Variants in PDZD2 observed in about 807,000 individuals in gnomAD.
PDZD2 encodes PDZ domain containing 2.
PDZD2 carries 90 observed loss-of-function variants against 220.7 expected under a neutral mutation model. The observed-to-expected ratio is 0.41, with a 90% CI of 0.34 to 0.49. The LOEUF is 0.49. PDZD2 is among the 20% of genes least tolerant of loss of function. PDZD2 has a pLI of 0.28. For synonymous variants in PDZD2, 1,375 were observed against 1,450.5 expected (o/e 0.95, Z 1.18); for missense variants, 3,174 against 3,608.5 (o/e 0.88, Z 3.08).
chr5:31,908,409 GAT>G (rs149701786), intron 2 of PDZD2: 194 of 504,852 alleles, frequency 3.8e-4, no homozygotes, highest in Non-Finnish European at 6.5e-4. Context: ...GTGTTCACGA[GAT>G]CCGGGAGATC....
intron 1 of PDZD2, among the ~76,000 whole-genome samples, chr5:31,669,520 G>A (rs1040358655): frequency 6.6e-6 from 1 of 151,936 alleles, no homozygotes; most frequent in Non-Finnish European, 1.5e-5. Context: ...ATTGGCTCTT[G>A]CCACACTTTC....
rs150617316 is a variant in PDZD2, at chr5:31,950,764, A to G, written c.477-32391A>G. Among the ~76,000 whole-genome samples, 1,105 of 152,276 alleles carry G rather than the reference A, an allele frequency of 7.3e-3. 13 individuals carry two copies. Among genetic ancestry groups the G allele is most frequent in the Non-Finnish European group, 1.0e-2 (677 of 68,014 alleles). On this transcript the variant is annotated intron_variant, in intron 2 of 24. Coordinates refer to ENST00000438447, the MANE Select transcript of PDZD2 (RefSeq NM_178140.4). Reference sequence around the variant, plus strand: ...ACCCTTGAAAGTATCCCCCATAGTCATCTTTTTCCTAATCCCCAGTCTCTG... The same window carrying G: ...ACCCTTGAAAGTATCCCCCATAGTCGTCTTTTTCCTAATCCCCAGTCTCTG...
intron 2 of PDZD2, 32 bp downstream of exon 2, chr5:31,799,756 G>A (rs776772405): frequency 2.8e-6 from 4 of 1,444,250 alleles, no homozygotes; most frequent in Non-Finnish European, 9.7e-7. Flanking sequence ...TGGCACAGGG[G>A]CTGGACACGG....
chr5:31,990,631 T>A (rs1211708899), intron 3 of PDZD2, among the ~76,000 whole-genome samples: 1 of 152,184 alleles, frequency 6.6e-6, no homozygotes, highest in Non-Finnish European at 1.5e-5. Context: ...ACTGTAAGAT[T>A]AGCGGATAAA....
intron 1 of PDZD2, among the ~76,000 whole-genome samples, chr5:31,753,540 GC>G (rs1165735703): frequency 6.6e-6 from 1 of 152,202 alleles, no homozygotes; most frequent in Non-Finnish European, 1.5e-5. Context: ...GGTGGAGGTT[GC>G]AGTGGGCTGA....
intron 1 of PDZD2, among the ~76,000 whole-genome samples, chr5:31,751,539 G>A (rs1411282792): frequency 6.6e-6 from 1 of 152,236 alleles, no homozygotes; most frequent in East Asian, 1.9e-4. Flanking sequence ...GGAATTGCGT[G>A]GAAAGATGAT....
chr5:31,830,639 G>C (rs1234751057), intron 2 of PDZD2, among the ~76,000 whole-genome samples: 1 of 152,088 alleles, frequency 6.6e-6, no homozygotes. Context: ...GCCAGGCCCT[G>C]GAGTATTGGC....
At chr5:31,706,056 TAAC>T (rs1747808852) in intron 1 of PDZD2, among the ~76,000 whole-genome samples, 1 of 152,052 alleles carries the variant, frequency 6.6e-6, no homozygotes, top group Non-Finnish European at 1.5e-5. Flanking sequence ...CATCTCAAAA[TAAC>T]AACACCACCA....
chr5:31,957,093 A>G (rs1480741697), intron 2 of PDZD2, among the ~76,000 whole-genome samples: 1 of 152,152 alleles, frequency 6.6e-6, no homozygotes, highest in African/African-American at 2.4e-5. Flanking sequence ...CTGATTCTCT[A>G]TGTTCTCAAG....
chr5:31,656,934 C>T (rs1206304549), intron 1 of PDZD2, among the ~76,000 whole-genome samples: 1 of 152,110 alleles, frequency 6.6e-6, no homozygotes, highest in East Asian at 1.9e-4. Context: ...ACCTCAACAG[C>T]CTGGGAGATC....
At chr5:31,995,231 C>T (rs1261741086) in intron 3 of PDZD2, among the ~76,000 whole-genome samples, 1 of 152,164 alleles carries the variant, frequency 6.6e-6, no homozygotes, top group African/African-American at 2.4e-5. Flanking sequence ...TAGTCATTAG[C>T]CACAGGTGGC....
intron 2 of PDZD2, among the ~76,000 whole-genome samples, chr5:31,881,354 GTGTGTGTGTGTGTGTA>G (rs1739893919): frequency 1.4e-5 from 2 of 139,246 alleles, no homozygotes; most frequent in African/African-American, 6.0e-5. Flanking sequence ...GTGTGTGTGT[GTGTGTGTGTGTGTGTA>G]TATATTTTTT....
At chr5:31,823,069 C>T in intron 2 of PDZD2, 1 of 1,014,192 alleles carries the variant, frequency 9.9e-7, no homozygotes, top group Non-Finnish European at 1.4e-6. Flanking sequence ...AATAACTGTG[C>T]ATCCCTTTAG....
chr5:31,662,640 C>A lies in PDZD2; in HGVS notation c.-361+23203C>A, dbSNP rs556182310. 1.2e-4 allele frequency among the ~76,000 whole-genome samples: 18 copies of A among 152,210 alleles called. No homozygotes were observed. In the East Asian group the frequency reaches 1.5e-3, roughly 13 times the overall value. ...AAGGCAGCTCTCTTGGATCCCCTTTCTTTTTTTGAGACGGAGTCTGGCTCT... is the reference window on the plus strand; with the variant it reads ...AAGGCAGCTCTCTTGGATCCCCTTTATTTTTTTGAGACGGAGTCTGGCTCT... On this transcript the variant is annotated intron_variant, in intron 1 of 24. Coordinates refer to ENST00000438447, the MANE Select transcript of PDZD2 (RefSeq NM_178140.4).
At chr5:31,737,830 G>C (rs1489553513) in intron 1 of PDZD2, among the ~76,000 whole-genome samples, 2 of 152,100 alleles carry the variant, frequency 1.3e-5, no homozygotes, top group African/African-American at 2.4e-5. Context: ...ACTTGTTCCG[G>C]GCTCTTTATA....
At chr5:31,796,816 G>T (rs1754053482) in intron 1 of PDZD2, among the ~76,000 whole-genome samples, 1 of 152,052 alleles carries the variant, frequency 6.6e-6, no homozygotes, top group South Asian at 2.1e-4. Context: ...AGTGCAAATC[G>T]ACACCAGGAA....
chr5:31,873,462 T>G (rs1739009319), intron 2 of PDZD2, among the ~76,000 whole-genome samples: 1 of 151,818 alleles, frequency 6.6e-6, no homozygotes, highest in Admixed American at 6.6e-5. Context: ...AAAAATTGGT[T>G]CACAGCTCAC....
chr5:31,818,335 A>T (rs1164001908), intron 2 of PDZD2, among the ~76,000 whole-genome samples: 3 of 152,152 alleles, frequency 2.0e-5, no homozygotes, highest in Admixed American at 2.0e-4. Context: ...GTCATCTCAC[A>T]AGTAGAGAGT....
chr5:31,955,015 G>A (rs149752178), intron 2 of PDZD2, among the ~76,000 whole-genome samples: 37 of 152,276 alleles, frequency 2.4e-4, no homozygotes, highest in African/African-American at 8.9e-4. Context: ...ATCCCCGCCG[G>A]GGTTGAGCAC....
Sources: gnomAD v4.1 joint callset for allele counts (sites outside exome capture counted in the v4.1 genomes callset) on GRCh38, gnomAD v4.1.1 for gene constraint, MANE v1.5 for transcripts, NCBI Gene and HGNC (gene_info 2026-07-23, HGNC 2026-07-21) for gene names.